RASSF5: variants seen among roughly 807,000 people sequenced by gnomAD.
The protein encoded by RASSF5 is Ras association domain family member 5, also known as ras association domain-containing protein 5.
A neutral mutation model predicts 40.5 loss-of-function variants in RASSF5; 25 were observed. The ratio of observed to expected loss-of-function variants is 0.62; its 90% CI spans 0.45 to 0.86. RASSF5 has a LOEUF of 0.86. Among genes scored for constraint, RASSF5 ranks in the 40% least tolerant of loss-of-function variants. The probability of loss-of-function intolerance (pLI) is 0.00; values close to 1 mark genes in which losing one functional copy is unlikely to be tolerated. For missense variants in RASSF5, 521 were observed against 572.8 expected (o/e 0.91, Z 0.92); for synonymous variants, 246 against 252.4 (o/e 0.97, Z 0.24).
rs1388827771 is a variant in RASSF5, at chr1:206,522,303, G to A, written c.457+14244G>A. On this transcript the variant is annotated intron_variant, in intron 1 of 5. Transcript: ENST00000579436. ...GGGTAGATGTGGAAAGAGGGGAGAC[G>A]GAACCGTAGAAAAAGGTTTAGTTCT... 2.6e-5 allele frequency among the ~76,000 whole-genome samples: 4 copies of A among 152,256 alleles called. No homozygotes were observed. The East Asian group carries it at 5.8e-4, about 22-fold the overall frequency.
At chr1:206,583,536 C>T in intron 3 of RASSF5, 157 bp downstream of exon 3, 1 of 616,758 alleles carries the variant, frequency 1.6e-6, no homozygotes. Context: ...GGCTGATAGC[C>T]AGAGCCCTCA....
chr1:206,554,219 C>T (rs1397467961), intron 2 of RASSF5, among the ~76,000 whole-genome samples: 1 of 152,172 alleles, frequency 6.6e-6, no homozygotes, highest in East Asian at 1.9e-4. Context: ...TACCCTTCAA[C>T]TGGATAGTTG....
At chr1:206,528,066 G>A (rs545818305) in intron 1 of RASSF5, among the ~76,000 whole-genome samples, 4 of 152,126 alleles carry the variant, frequency 2.6e-5, no homozygotes, top group Admixed American at 2.0e-4. Flanking sequence ...ATTCAGAGTT[G>A]CCAAAATTTG....
intron 1 of RASSF5, among the ~76,000 whole-genome samples, chr1:206,516,822 T>C (rs1666759322): frequency 6.6e-6 from 1 of 152,226 alleles, no homozygotes; most frequent in Non-Finnish European, 1.5e-5. Context: ...GGGATGGGAA[T>C]GAGCCCTTGC....
intron 2 of RASSF5, 40 bp downstream of exon 2, chr1:206,538,333 C>G: frequency 6.2e-7 from 1 of 1,607,666 alleles, no homozygotes; most frequent in Non-Finnish European, 8.5e-7. Flanking sequence ...GGAACAGCCT[C>G]TGCAGGTGCC....
At chr1:206,553,767 A>G (rs1340333481) in intron 2 of RASSF5, among the ~76,000 whole-genome samples, 1 of 152,206 alleles carries the variant, frequency 6.6e-6, no homozygotes, top group Non-Finnish European at 1.5e-5. Flanking sequence ...AGTCAGATGG[A>G]GAAAGTGGTT....
In RASSF5 at chr1:206,584,296, G is replaced by A. The variant is rs1669014024; in HGVS notation, c.691-91G>A. On this transcript the variant is annotated intron_variant, in intron 3 of 5. Coordinates refer to ENST00000579436, the MANE Select transcript of RASSF5 (RefSeq NM_182663.4). The surrounding 1 kb of genome is among the most constrained non-coding windows in gnomAD (Gnocchi z 4.9). ...GGCAGGAAAGAACTCAAGGAGACAG[G>A]TGGGTGCTGCTGGGGCAATGGCCCC... 7.9e-7 allele frequency: 1 copy of A among 1,273,304 alleles called. No homozygotes were observed. Among genetic ancestry groups the A allele is most frequent in the Non-Finnish European group, 1.1e-6 (1 of 921,566 alleles). The allele number at this position is 1,273,304 out of a possible 1,614,324, so 78.9% of individuals were successfully genotyped here. A position where few individuals can be genotyped will look rare whatever the true frequency, so the allele number is the denominator to read the frequency against.
rs1330660106 is a variant in RASSF5 at position 206,531,164 on chromosome 1, C to G, written c.458-7008C>G. The stretch of plus-strand genomic sequence containing the variant: ...GGACACCGGCCTGGGGTCGGATCAG[C>G]ACTCGCACTCTGGTCTCTCCACTTC... On this transcript the variant is annotated intron_variant, in intron 1 of 5. Transcript: ENST00000579436. The surrounding 1 kb of genome is among the most constrained non-coding windows in gnomAD (Gnocchi z 4.7). Among the ~76,000 whole-genome samples, 1 of 152,228 alleles carries G rather than the reference C, an allele frequency of 6.6e-6. No homozygotes were observed. The highest frequency in any genetic ancestry group is 2.4e-5 in the African/African-American group (1 of 41,466).
At chr1:206,521,173 TA>T (rs563021977) in intron 1 of RASSF5, among the ~76,000 whole-genome samples, 259 of 152,274 alleles carry the variant, frequency 1.7e-3, no homozygotes, top group African/African-American at 5.5e-3. Context: ...AAAAGGCTGC[TA>T]GGGGGGTCTG....
At chr1:206,539,637 C>A (rs1553399124) in intron 2 of RASSF5, among the ~76,000 whole-genome samples, 1 of 152,186 alleles carries the variant, frequency 6.6e-6, no homozygotes, top group Non-Finnish European at 1.5e-5. Flanking sequence ...GGAATAGTAA[C>A]TATTTCTGGT....
chr1:206,557,565 C>T (rs1668025507), intron 2 of RASSF5: 1 of 1,613,718 alleles, frequency 6.2e-7, no homozygotes, highest in Admixed American at 1.7e-5. Flanking sequence ...GCCGGGAACT[C>T]CGGGGTAGAT....
chr1:206,550,594 T>G (rs1329437826), intron 2 of RASSF5, among the ~76,000 whole-genome samples: 8 of 152,222 alleles, frequency 5.3e-5, no homozygotes, highest in African/African-American at 1.9e-4. Flanking sequence ...CCAGTGTGGT[T>G]GTTGTGGCAA....
chr1:206,533,256 G>C (rs75541464), intron 1 of RASSF5, among the ~76,000 whole-genome samples: 6,529 of 152,226 alleles, frequency 0.043, 157 homozygotes, highest in African/African-American at 0.058. Context: ...AGCAGGCCTG[G>C]TAGAAGTAGG....
rs765938897 is a variant in RASSF5, at chr1:206,588,585, TAGCTTCAG to T, written c.*1609_*1616del. On this transcript the variant is annotated 3_prime_UTR_variant, in exon 6 of 6. Transcript: ENST00000579436. ...CGGTTCAAGCCCAAGCTTGTTCGTG[TAGCTTCAG>T]AAGTTCCCTCTCTGACCCAGGCTGA... is the stretch of plus-strand genomic sequence containing the variant. 1 of 152,404 alleles carries T rather than the reference TAGCTTCAG, an allele frequency of 6.6e-6. No homozygotes were observed. The highest frequency in any genetic ancestry group is 1.5e-5 in the Non-Finnish European group (1 of 68,080). 9.4% of individuals were successfully genotyped at this position (152,404 alleles called of 1,614,324 possible).
intron 2 of RASSF5, among the ~76,000 whole-genome samples, chr1:206,577,713 C>T (rs919548471): frequency 6.6e-6 from 1 of 152,202 alleles, no homozygotes; most frequent in Non-Finnish European, 1.5e-5. Flanking sequence ...AATGGAAATC[C>T]AAGGCTCACT....
At chr1:206,569,754 C>G (rs782023232) in intron 2 of RASSF5, among the ~76,000 whole-genome samples, 1 of 152,224 alleles carries the variant, frequency 6.6e-6, no homozygotes, top group African/African-American at 2.4e-5. Context: ...GGGCAGTCCC[C>G]TGGGAGGTTT....
chr1:206,531,746 C>A lies in RASSF5; in HGVS notation c.458-6426C>A, dbSNP rs1342444542. Among the ~76,000 whole-genome samples, 1 of 152,090 alleles carries A rather than the reference C, an allele frequency of 6.6e-6. No individual in the cohort carries two copies. Among genetic ancestry groups the A allele is most frequent in the Non-Finnish European group, 1.5e-5 (1 of 68,010 alleles). ...GGATCAGGACAAGCTTTACACCTGC[C>A]CTTTTAAAACTTTGGTAAATTGAGC... On this transcript the variant is annotated intron_variant, in intron 1 of 5. Coordinates refer to ENST00000579436, the MANE Select transcript of RASSF5 (RefSeq NM_182663.4). The surrounding 1 kb of genome is among the most constrained non-coding windows in gnomAD (Gnocchi z 4.7).
Position 206,531,976 on chromosome 1 carries a change from C to A in RASSF5, c.458-6196C>A, listed in dbSNP as rs868986471. ...CTGAGGCAGGAGAATGGCGTGAACC[C>A]GGGAGGCGGAGCTTGCAGTGAGCCA... On this transcript the variant is annotated intron_variant, in intron 1 of 5. Transcript: ENST00000579436. The surrounding 1 kb of genome is among the most constrained non-coding windows in gnomAD (Gnocchi z 4.7). 6.6e-6 allele frequency among the ~76,000 whole-genome samples: 1 copy of A among 151,772 alleles called. No individual in the cohort carries two copies. The highest frequency in any genetic ancestry group is 1.5e-5 in the Non-Finnish European group (1 of 67,950).
At chr1:206,519,951 A>C (rs1182957188) in intron 1 of RASSF5, among the ~76,000 whole-genome samples, 6 of 152,304 alleles carry the variant, frequency 3.9e-5, no homozygotes, top group African/African-American at 1.4e-4. Context: ...GAGTTGCTCA[A>C]TTTAAATGCT....
Sources: gnomAD v4.1 joint callset for allele counts (sites outside exome capture counted in the v4.1 genomes callset) on GRCh38, gnomAD v4.1.1 for gene constraint, Gnocchi (gnomAD v3.1) non-coding constraint, MANE v1.5 for transcripts, NCBI Gene and HGNC (gene_info 2026-07-23, HGNC 2026-07-21) for gene names.